NUP160: variants seen among roughly 807,000 people sequenced by gnomAD.
The protein encoded by NUP160 is nucleoporin 160, also known as nuclear pore complex protein Nup160.
In NUP160, 94 loss-of-function variants were observed where a neutral mutation model predicts 196.9. The observed-to-expected ratio is 0.48, with a 90% confidence interval of 0.40 to 0.57. The LOEUF (loss-of-function observed/expected upper bound fraction) is 0.57, where lower values mean the gene tolerates loss of function less well. Among genes scored for constraint, NUP160 ranks in the 20% least tolerant of loss-of-function variants. The pLI, the probability that NUP160 is intolerant of heterozygous loss-of-function variation, is 0.00. For synonymous variants in NUP160, 605 were observed against 619.7 expected (o/e 0.98, Z 0.35); for missense variants, 1,638 against 1,748.3 (o/e 0.94, Z 1.13).
At chr11:47,815,906 G>T in intron 12 of NUP160, 40 bp downstream of exon 12, 1 of 1,480,798 alleles carries the variant, frequency 6.8e-7, no homozygotes, top group Non-Finnish European at 9.4e-7. Flanking sequence ...CCTATATCAA[G>T]ATGGAAGGAA....
intron 7 of NUP160, among the ~76,000 whole-genome samples, chr11:47,827,421 AT>A (rs1200051999): frequency 6.6e-6 from 1 of 152,046 alleles, no homozygotes; most frequent in African/African-American, 2.4e-5. Context: ...AAAAAGACAA[AT>A]TCACAGCTAG....
chr11:47,811,935 C>T, intron 17 of NUP160, 129 bp downstream of exon 17: 1 of 727,518 alleles, frequency 1.4e-6, no homozygotes, highest in South Asian at 1.9e-5. Context: ...TAAGGCCAAG[C>T]TTGGGAGAAT....
chr11:47,808,432 C>A lies in NUP160; in HGVS notation c.2339G>T (p.Ser780Ile), dbSNP rs372955674. The A allele has an allele frequency of 4.3e-6, 7 of 1,613,714 alleles. No individual in the cohort carries two copies. The highest frequency in any genetic ancestry group is 4.0e-5 in the African/African-American group (3 of 75,026). Residue 780 changes from serine (S) to isoleucine (I), a missense_variant, in exon 18 of 36, where the codon AGT becomes ATT. Ser to Ile is a moderately radical substitution (Grantham distance 142, BLOSUM62 -2). Coordinates refer to ENST00000378460, the Ensembl canonical transcript of NUP160. ...TGGAACATCAGTTGCCAAGCACTCA[C>A]TTCCCCATTTAATGAGGTAATAAGA... is the stretch of plus-strand genomic sequence containing the variant.
chr11:47,840,696 T>C, intron 2 of NUP160, 108 bp from the exon 3 acceptor site: 1 of 826,934 alleles, frequency 1.2e-6, no homozygotes. Context: ...TTTGAAAATT[T>C]TGGATAAACA....
chr11:47,823,874 C>G (rs1393164757), intron 7 of NUP160, among the ~76,000 whole-genome samples: 1 of 151,616 alleles, frequency 6.6e-6, no homozygotes, highest in South Asian at 2.1e-4. Context: ...ACTGTACGTA[C>G]ATGCAACAGG....
exon 27 of NUP160, chr11:47,797,834 G>A: frequency 6.2e-7 from 1 of 1,613,050 alleles, no homozygotes; most frequent in Non-Finnish European, 8.5e-7. Context: ...CATAGTAATT[G>A]TGAGTCATAA....
At position 47,848,063 on chromosome 11, in the gene NUP160, G is replaced by A; in HGVS notation, c.203-104C>T. On this transcript the variant is annotated intron_variant, in intron 1 of 35. Transcript: ENST00000378460. Reference sequence around the variant, plus strand: ...GTGACAGACTGACAACCCATACAAAGAAAAGAGGAAAACGTCGGACATCAA... The same window carrying A: ...GTGACAGACTGACAACCCATACAAAAAAAAGAGGAAAACGTCGGACATCAA... The A allele has an allele frequency of 3.2e-6, 4 of 1,261,372 alleles. No individual in the cohort carries two copies. The South Asian group carries it at 4.8e-5, about 15-fold the overall frequency. 78.1% of individuals were successfully genotyped at this position (1,261,372 alleles called of 1,614,324 possible).
intron 2 of NUP160, among the ~76,000 whole-genome samples, chr11:47,847,440 A>G (rs931814353): frequency 6.6e-6 from 1 of 152,124 alleles, no homozygotes; most frequent in Non-Finnish European, 1.5e-5. Context: ...GTCTTGCATG[A>G]TGAAAATTGC....
exon 34 of NUP160, chr11:47,783,099 T>C (rs1264717371): frequency 6.2e-7 from 1 of 1,613,818 alleles, no homozygotes; most frequent in South Asian, 1.1e-5. Context: ...TGATGTCCTT[T>C]TCCCAATACA....
Position 47,804,404 on chromosome 11 carries a change from A to T in NUP160, c.2676+145T>A, listed in dbSNP as rs574607269. 8.7e-4 allele frequency: 519 copies of T among 595,328 alleles called. 3 individuals carry two copies. Among genetic ancestry groups the T allele is most frequent in the Non-Finnish European group, 1.4e-3 (477 of 341,816 alleles). 36.9% of individuals were successfully genotyped at this position (595,328 alleles called of 1,614,324 possible). A position where few individuals can be genotyped will look rare whatever the true frequency, so the allele number is the denominator to read the frequency against. On this transcript the variant is annotated intron_variant, in intron 21 of 35. Transcript: ENST00000378460. Reference sequence around the variant, plus strand: ...GTTCAGGATGGTATAGAAATAGAGAACAATCTCTTTGGGGTATGTCTTCAC... The same window carrying T: ...GTTCAGGATGGTATAGAAATAGAGATCAATCTCTTTGGGGTATGTCTTCAC...
intron 29 of NUP160, among the ~76,000 whole-genome samples, chr11:47,789,631 AAAG>A (rs1245245105): frequency 6.6e-6 from 1 of 152,088 alleles, no homozygotes; most frequent in South Asian, 2.1e-4. Context: ...AATAAACTAA[AAAG>A]AAGGAACTTT....
At chr11:47,838,364 GTA>G (rs1852221505) in intron 4 of NUP160, among the ~76,000 whole-genome samples, 1 of 152,216 alleles carries the variant, frequency 6.6e-6, no homozygotes, top group Non-Finnish European at 1.5e-5. Flanking sequence ...CTAGGCCAGT[GTA>G]AGGACTCTGG....
chr11:47,836,989 C>T (rs1358701696), exon 6 of NUP160: 7 of 1,610,198 alleles, frequency 4.3e-6, no homozygotes, highest in Middle Eastern at 1.6e-4. Context: ...GATCTGAAGG[C>T]GACTGGTCAC....
chr11:47,835,672 C>A, exon 7 of NUP160: 1 of 1,592,720 alleles, frequency 6.3e-7, no homozygotes, highest in Admixed American at 1.8e-5. Context: ...TTGGTGCATG[C>A]ATGTATATCC....
rs781225143 is a variant in NUP160 at position 47,792,929 on chromosome 11, C to T, written c.3307G>A (p.Glu1103Lys). The T allele has an allele frequency of 7.4e-6, 12 of 1,613,196 alleles. 1 individual carries two copies. The highest frequency in any genetic ancestry group is 1.0e-5 in the Non-Finnish European group (12 of 1,179,846). The stretch of plus-strand genomic sequence containing the variant: ...TCTCTGCCAAGCCGCATTCCATACT[C>T]AAACATCACTGTGCCAGCTATGAGG... The change falls in exon 28 of 36, where the codon GAG becomes AAG. Residue 1103 changes from glutamate to lysine, a missense_variant. Coordinates refer to ENST00000378460, the Ensembl canonical transcript of NUP160.
At chr11:47,826,524 C>T (rs942682121) in intron 7 of NUP160, among the ~76,000 whole-genome samples, 1 of 151,812 alleles carries the variant, frequency 6.6e-6, no homozygotes, top group Non-Finnish European at 1.5e-5. Flanking sequence ...TCCTAGAGGT[C>T]CCTGAGACCA....
At chr11:47,780,272 A>C in intron 35 of NUP160, 71 bp downstream of exon 35, 1 of 1,068,716 alleles carries the variant, frequency 9.4e-7, no homozygotes, top group Non-Finnish European at 1.4e-6. Context: ...GGAGAACTGA[A>C]GATCAAGCTG....
chr11:47,835,862 G>A, intron 6 of NUP160, 53 bp from the exon 7 acceptor site: 2 of 1,369,476 alleles, frequency 1.5e-6, no homozygotes, highest in Non-Finnish European at 2.0e-6. Flanking sequence ...CAGGCTAGAA[G>A]AACATACCTT....
intron 20 of NUP160, 145 bp downstream of exon 20, chr11:47,806,008 T>G (rs1008242212): frequency 1.6e-5 from 11 of 683,164 alleles, no homozygotes; most frequent in Middle Eastern, 6.2e-4. Flanking sequence ...GAGGTGGGGT[T>G]TCACCATGTT....
Sources: allele counts gnomAD v4.1 joint callset (sites outside exome capture counted in the v4.1 genomes callset), GRCh38; gene constraint gnomAD v4.1.1; transcripts MANE v1.5; gene names NCBI Gene and HGNC (gene_info 2026-07-23, HGNC 2026-07-21).